PIK3CB: variants seen among roughly 807,000 people sequenced by gnomAD.
The protein encoded by PIK3CB is phosphatidylinositol 4,5-bisphosphate 3-kinase catalytic subunit beta isoform.
Under a neutral mutation model 136.8 loss-of-function variants are expected in PIK3CB, and 39 were observed. The ratio of observed to expected loss-of-function variants is 0.29; its 90% CI spans 0.22 to 0.37. The LOEUF is 0.37. PIK3CB is among the 10% of genes least tolerant of loss of function. PIK3CB has a pLI of 1.00. For synonymous variants in PIK3CB, 428 were observed against 436.6 expected (o/e 0.98, Z 0.25); for missense variants, 868 against 1,275.4 (o/e 0.68, Z 4.87).
chr3:138,828,767 T>A (rs548986969), intron 1 of PIK3CB, among the ~76,000 whole-genome samples: 2 of 151,900 alleles, frequency 1.3e-5, no homozygotes, highest in African/African-American at 4.8e-5. Flanking sequence ...AGACCCCGCC[T>A]CTAAAAAAAT....
At chr3:138,713,226 T>G (rs889689592) in intron 9 of PIK3CB, among the ~76,000 whole-genome samples, 1 of 151,738 alleles carries the variant, frequency 6.6e-6, no homozygotes, top group African/African-American at 2.4e-5. Context: ...TTGCCAAGAT[T>G]GGTCTCCAAC....
At chr3:138,656,338 G>C in intron 22 of PIK3CB, 64 bp from the exon 23 acceptor site, 8 of 1,538,002 alleles carry the variant, frequency 5.2e-6, no homozygotes, top group Non-Finnish European at 7.1e-6. Context: ...ATTTCATACA[G>C]GAAATTAAGA....
chr3:138,785,791 TCCGAGAAACACC>T (rs2045975762), intron 2 of PIK3CB, among the ~76,000 whole-genome samples: 1 of 143,258 alleles, frequency 7.0e-6, no homozygotes, highest in African/African-American at 2.6e-5. Flanking sequence ...AATCCCCCGC[TCCGAGAAACACC>T]CAAGAATGAT....
chr3:138,669,186 C>T (rs545872219), intron 19 of PIK3CB, among the ~76,000 whole-genome samples: 32 of 152,024 alleles, frequency 2.1e-4, no homozygotes, highest in African/African-American at 5.3e-4. Context: ...CCAAGGTGGG[C>T]GGACTGCTTG....
At chr3:138,691,781 C>T (rs1338264235) in intron 14 of PIK3CB, among the ~76,000 whole-genome samples, 1 of 105,708 alleles carries the variant, frequency 9.5e-6, no homozygotes, top group African/African-American at 2.7e-5. Flanking sequence ...AAATTCATGA[C>T]TGTATTTTCA....
intron 1 of PIK3CB, among the ~76,000 whole-genome samples, chr3:138,824,892 CAAAAAAA>C (rs57342129): frequency 3.2e-5 from 2 of 62,366 alleles, no homozygotes; most frequent in Admixed American, 1.8e-4. Flanking sequence ...TACAAAATAC[CAAAAAAA>C]AAAAAAAAAA....
chr3:138,659,684 A>G (rs1183354081), intron 21 of PIK3CB, among the ~76,000 whole-genome samples: 1 of 152,078 alleles, frequency 6.6e-6, no homozygotes, highest in Non-Finnish European at 1.5e-5. Context: ...TCTCTGCGAA[A>G]GTTTTAAGAC....
intron 1 of PIK3CB, among the ~76,000 whole-genome samples, chr3:138,832,872 C>A (rs776168918): frequency 5.0e-4 from 70 of 139,922 alleles, no homozygotes; most frequent in Admixed American, 5.0e-4. Context: ...ATTGGCCAGG[C>A]GTGGTGGCAC....
At chr3:138,685,375 T>G (rs1451419185) in intron 16 of PIK3CB, among the ~76,000 whole-genome samples, 1 of 104,280 alleles carries the variant, frequency 9.6e-6, no homozygotes, top group African/African-American at 4.0e-5. Context: ...CCAGCCTGGG[T>G]AAGAGAGTGA....
At position 138,693,936 on chromosome 3, in the gene PIK3CB, AATATATAT is replaced by A. The variant is rs1179221176; in HGVS notation, c.1892+842_1892+849del. 4.8e-3 allele frequency among the ~76,000 whole-genome samples: 313 copies of A among 64,618 alleles called. 8 individuals are homozygous for A. Among genetic ancestry groups the A allele is most frequent in the Non-Finnish European group, 7.7e-3 (250 of 32,648 alleles). 42.4% of individuals were successfully genotyped at this position (64,618 alleles called of 152,430 possible). On this transcript the variant is annotated intron_variant, in intron 14 of 23. Coordinates refer to ENST00000674063, the MANE Select transcript of PIK3CB (RefSeq NM_006219.3). ...CTTTAACTGTAATGTATTTGCTTAA[AATATATAT>A]ATATATATATATATATATATATTAT... is the stretch of plus-strand genomic sequence containing the variant.
At chr3:138,767,317 T>C (rs545905514) in intron 2 of PIK3CB, among the ~76,000 whole-genome samples, 1 of 152,352 alleles carries the variant, frequency 6.6e-6, no homozygotes, top group African/African-American at 2.4e-5. Context: ...GATTATCCAT[T>C]ACCTAACAGT....
At chr3:138,820,250 C>G (rs1933501801) in intron 1 of PIK3CB, among the ~76,000 whole-genome samples, 2 of 152,154 alleles carry the variant, frequency 1.3e-5, no homozygotes, top group African/African-American at 4.8e-5. Context: ...TGAAACAGCC[C>G]CTAAACATCA....
At chr3:138,787,078 C>T (rs1360695111) in intron 2 of PIK3CB, among the ~76,000 whole-genome samples, 13 of 152,130 alleles carry the variant, frequency 8.5e-5, no homozygotes, top group Admixed American at 8.5e-4. Context: ...ACTGCGTAAA[C>T]ATCCATACAT....
intron 2 of PIK3CB, among the ~76,000 whole-genome samples, chr3:138,763,883 C>T (rs1229717221): frequency 6.6e-6 from 1 of 151,824 alleles, no homozygotes; most frequent in Non-Finnish European, 1.5e-5. Flanking sequence ...GAGGCCAAGG[C>T]GGGCAGATCA....
chr3:138,758,748 T>G (rs1382658100), intron 3 of PIK3CB, among the ~76,000 whole-genome samples: 1 of 152,174 alleles, frequency 6.6e-6, no homozygotes, highest in African/African-American at 2.4e-5. Context: ...ATATGCTGGT[T>G]TTTACAAATC....
At chr3:138,661,047 T>C (rs773046367) in intron 21 of PIK3CB, among the ~76,000 whole-genome samples, 4 of 152,300 alleles carry the variant, frequency 2.6e-5, no homozygotes, top group South Asian at 2.1e-4. Flanking sequence ...TTGATGAGGG[T>C]CAACTATACA....
chr3:138,761,719 T>C (rs1239365722), intron 2 of PIK3CB, among the ~76,000 whole-genome samples: 2 of 151,756 alleles, frequency 1.3e-5, no homozygotes, highest in Non-Finnish European at 2.9e-5. Flanking sequence ...GCAGTGAGCC[T>C]AGACAGCACC....
intron 16 of PIK3CB, among the ~76,000 whole-genome samples, chr3:138,685,802 G>C (rs956601915): frequency 1.3e-5 from 2 of 152,048 alleles, no homozygotes; most frequent in Non-Finnish European, 2.9e-5. Context: ...AGTACAAGGT[G>C]TATCAACAAT....
At chr3:138,693,619 C>CA (rs2044056921) in intron 14 of PIK3CB, among the ~76,000 whole-genome samples, 1 of 151,878 alleles carries the variant, frequency 6.6e-6, no homozygotes, top group Admixed American at 6.6e-5. Flanking sequence ...AGGCTGGTCT[C>CA]AAACTCCTGA....
Sources: allele counts gnomAD v4.1 joint callset (sites outside exome capture counted in the v4.1 genomes callset), GRCh38; gene constraint gnomAD v4.1.1; transcripts MANE v1.5; gene names NCBI Gene and HGNC (gene_info 2026-07-23, HGNC 2026-07-21).